The following SCYL1 variants were observed in gnomAD, a reference collection of about 807,000 sequenced individuals.
SCYL1 encodes N-terminal kinase-like protein.
In SCYL1, 85 loss-of-function variants were observed where a neutral mutation model predicts 94.8. The ratio of observed to expected loss-of-function variants is 0.90; its 90% CI spans 0.75 to 1.07. The LOEUF is 1.07. SCYL1 is among the 50% of genes least tolerant of loss of function. The pLI, the probability that SCYL1 is intolerant of heterozygous loss-of-function variation, is 0.00. For missense variants in SCYL1, 968 were observed against 1,083.3 expected, an observed-to-expected ratio of 0.89 and a Z score of 1.49; for synonymous variants, 459 against 435.5, an observed-to-expected ratio of 1.05 and a Z score of -0.67.
In SCYL1 at chr11:65,530,781, C is replaced by A; in HGVS notation, c.1002C>A (p.Leu334=). 2 of 1,611,072 alleles carry A rather than the reference C, an allele frequency of 1.2e-6. No individual in the cohort carries two copies. Among genetic ancestry groups the A allele is most frequent in the Non-Finnish European group, 1.7e-6 (2 of 1,178,748 alleles). The change falls in exon 7 of 18, where the codon CTC becomes CTA. Residue 334 remains leucine, a synonymous_variant. Transcript: ENST00000270176. ...CTGGGGCCGTTGTCCTCACGCCCCTCTTCAAGGTGAGTGGAACTGTGGGGT... is the reference window on the plus strand; with the variant it reads ...CTGGGGCCGTTGTCCTCACGCCCCTATTCAAGGTGAGTGGAACTGTGGGGT... ...GNAGAVVLTP[L]FKVGKFLSAE...
intron 7 of SCYL1, among the ~76,000 whole-genome samples, chr11:65,531,375 C>T (rs1370933677): frequency 1.3e-5 from 2 of 152,156 alleles, no homozygotes; most frequent in Non-Finnish European, 2.9e-5. Context: ...TCATCAGCCT[C>T]CTGAAAGAGG....
Position 65,535,299 on chromosome 11 carries a change from C to T in SCYL1, c.1303C>T (p.Leu435=). 6.2e-7 allele frequency: 1 copy of T among 1,614,252 alleles called. No homozygotes were observed. Among genetic ancestry groups the T allele is most frequent in the Non-Finnish European group, 8.5e-7 (1 of 1,180,040 alleles). Reference sequence around the variant, plus strand: ...GGAGCTGATGAAGCACTTTGCACGGCTACAGGCCAAGGATGAACAGGGCCC... The same window carrying T: ...GGAGCTGATGAAGCACTTTGCACGGTTACAGGCCAAGGATGAACAGGGCCC... ...NVELMKHFAR[L]QAKDEQGPIR... The change falls in exon 10 of 18, where the codon CTA becomes TTA. Residue 435 remains leucine (L), a synonymous_variant. Coordinates refer to ENST00000270176, the MANE Select transcript of SCYL1 (RefSeq NM_020680.4).
intron 9 of SCYL1, 96 bp downstream of exon 9, chr11:65,532,901 C>A: frequency 2.3e-6 from 2 of 883,744 alleles, no homozygotes; most frequent in Non-Finnish European, 3.7e-6. Context: ...GCCCATGGGT[C>A]CAAGCAGACA....
At position 65,538,441 on chromosome 11, in the gene SCYL1, G is replaced by T; in HGVS notation, c.2303-1G>T. ...ACCGGGGCTCCCCTTCCTGACGCCA[G>T]GACAGGTCAAGGCTGAGCTGGCCCG... is the stretch of plus-strand genomic sequence containing the variant. On this transcript the variant is annotated splice_acceptor_variant, in intron 17 of 17. Transcript: ENST00000270176. LOFTEE classifies it high-confidence loss of function. The T allele has an allele frequency of 6.4e-7, 1 of 1,556,106 alleles. No homozygotes were observed. Among genetic ancestry groups the T allele is most frequent in the South Asian group, 1.2e-5 (1 of 84,902 alleles).
At chr11:65,525,780 C>T in intron 2 of SCYL1, 66 bp downstream of exon 2, 2 of 1,596,316 alleles carry the variant, frequency 1.3e-6, no homozygotes, top group Non-Finnish European at 1.7e-6. Context: ...TCCTGTCTCC[C>T]CTCCTGCCCT....
intron 1 of SCYL1, 66 bp from the exon 2 acceptor site, chr11:65,525,508 C>T (rs1254941432): frequency 6.4e-6 from 10 of 1,561,986 alleles, no homozygotes; most frequent in Non-Finnish European, 8.7e-6. Context: ...GACCTGGCTG[C>T]GGGCCCTTGT....
At chr11:65,535,165 G>A (rs1855571248) in intron 9 of SCYL1, 62 bp from the exon 10 acceptor site, 4 of 1,590,422 alleles carry the variant, frequency 2.5e-6, no homozygotes, top group Non-Finnish European at 3.4e-6. Flanking sequence ...CCAGGAGGCT[G>A]TTCCTGCACA....
intron 14 of SCYL1, 109 bp downstream of exon 14, chr11:65,537,237 A>G: frequency 8.2e-7 from 1 of 1,220,978 alleles, no homozygotes; most frequent in Non-Finnish European, 1.2e-6. Context: ...CCTCATCAGC[A>G]CAGCATCCCT....
rs1481969607 is a variant in SCYL1 at position 65,532,691 on chromosome 11, G to A, written c.1117-1G>A. 5.0e-6 allele frequency: 8 copies of A among 1,612,968 alleles called. No individual in the cohort carries two copies. Among genetic ancestry groups the A allele is most frequent in the African/African-American group, 1.3e-5 (1 of 74,910 alleles). On this transcript the variant is annotated splice_acceptor_variant, in intron 8 of 17. Coordinates refer to ENST00000270176, the MANE Select transcript of SCYL1 (RefSeq NM_020680.4). LOFTEE classifies it high-confidence loss of function. Reference sequence around the variant, plus strand: ...TTGACGCATCCCAACCTGGGCCACAGATGGAGCAGTTCATCCAGTACCTTG... The same window carrying A: ...TTGACGCATCCCAACCTGGGCCACAAATGGAGCAGTTCATCCAGTACCTTG...
chr11:65,525,718 C>T lies in SCYL1; in HGVS notation c.252+4C>T, dbSNP rs1159314190. 8 of 1,612,414 alleles carry T rather than the reference C, an allele frequency of 5.0e-6. No homozygotes were observed. In the East Asian group the frequency reaches 1.3e-4, roughly 27 times the overall value. On this transcript the variant is annotated splice_donor_region_variant and intron_variant, in intron 2 of 17. Coordinates refer to ENST00000270176, the MANE Select transcript of SCYL1 (RefSeq NM_020680.4). ...GGCTTACATCGATGGACTGGAGGTA[C>T]CTGCTGCCTTGCCTGCCCGTCTCTG...
intron 10 of SCYL1, 29 bp downstream of exon 10, chr11:65,535,411 C>A: frequency 6.2e-7 from 1 of 1,606,936 alleles, no homozygotes. Context: ...TGCTGGAGCC[C>A]GGTCCCTGTC....
At position 65,535,225 on chromosome 11, in the gene SCYL1, A is replaced by T; in HGVS notation, c.1231-2A>T. The T allele has an allele frequency of 6.2e-7, 1 of 1,613,512 alleles. No homozygotes were observed. Among genetic ancestry groups the T allele is most frequent in the Non-Finnish European group, 8.5e-7 (1 of 1,179,444 alleles). ...CAGTTCCCACTCATTTCTGCCCCAC[A>T]GTCCATGCTGCTCCTGGCCCCAAAG... On this transcript the variant is annotated splice_acceptor_variant, in intron 9 of 17. Coordinates refer to ENST00000270176, the MANE Select transcript of SCYL1 (RefSeq NM_020680.4). LOFTEE classifies it high-confidence loss of function.
chr11:65,538,449 C>G lies in SCYL1; in HGVS notation c.2310C>G (p.Val770=). The G allele has an allele frequency of 6.4e-7, 1 of 1,560,030 alleles. No homozygotes were observed. The highest frequency in any genetic ancestry group is 8.7e-7 in the Non-Finnish European group (1 of 1,154,114). The change falls in exon 18 of 18, where the codon GTC becomes GTG. Residue 770 remains valine, a synonymous_variant. Transcript: ENST00000270176. The part of the protein sequence containing the change: ...WEGLETDSRQ[V]KAELARKKRE... The stretch of plus-strand genomic sequence containing the variant: ...TCCCCTTCCTGACGCCAGGACAGGT[C>G]AAGGCTGAGCTGGCCCGGAAGAAGC...
chr11:65,538,286 G>C lies in SCYL1; in HGVS notation c.2264G>C (p.Trp755Ser), dbSNP rs56077405. 59 of 1,553,010 alleles carry C rather than the reference G, an allele frequency of 3.8e-5. No homozygotes were observed. In the East Asian group the frequency reaches 1.4e-3, roughly 36 times the overall value. Residue 755 changes from tryptophan (W) to serine (S), a missense_variant, in exon 17 of 18, where the codon TGG (tryptophan) becomes TCG (serine). Around this residue, in one of 2 missense-constraint regions of SCYL1, gnomAD observed 474 missense variants for 463.6 expected, o/e 1.02. Transcript: ENST00000270176. The part of the protein sequence containing the change: ...RPSTQPRPDS[W>S]GEDNWEGLET... ...TCTTTACAGCCGAGGCCAGACTCTTGGGGTGAGGACAACTGGGAGGGCCTC... is the reference window on the plus strand; with the variant it reads ...TCTTTACAGCCGAGGCCAGACTCTTCGGGTGAGGACAACTGGGAGGGCCTC...
intron 9 of SCYL1, 118 bp from the exon 10 acceptor site, chr11:65,535,109 A>G: frequency 7.7e-7 from 1 of 1,297,616 alleles, no homozygotes; most frequent in Non-Finnish European, 1.1e-6. Flanking sequence ...CCAGGCTGGG[A>G]GGTGGCCTTG....
At chr11:65,535,534 A>G in intron 10 of SCYL1, 152 bp downstream of exon 10, 1 of 1,024,876 alleles carries the variant, frequency 9.8e-7, no homozygotes, top group East Asian at 2.6e-5. Context: ...CCAGAGGAGG[A>G]GTGAGTTGGC....
intron 6 of SCYL1, among the ~76,000 whole-genome samples, chr11:65,529,305 C>T (rs989918409): frequency 2.0e-5 from 3 of 152,188 alleles, no homozygotes; most frequent in Non-Finnish European, 4.4e-5. Context: ...AACTTTGTTA[C>T]GTGGAGTTCT....
chr11:65,527,912 C>T (rs766709336), intron 6 of SCYL1, among the ~76,000 whole-genome samples: 7 of 152,174 alleles, frequency 4.6e-5, no homozygotes, highest in Non-Finnish European at 7.3e-5. Flanking sequence ...GTATAGTGTT[C>T]TGTGCCCAGC....
rs540362534 is a variant in SCYL1 at position 65,538,642 on chromosome 11, G to A, written c.*76G>A. 1.6e-5 allele frequency: 24 copies of A among 1,497,716 alleles called. No homozygotes were observed. The African/African-American group carries it at 2.9e-4, about 18-fold the overall frequency. The allele number at this position is 1,497,716 out of a possible 1,614,324, so 92.8% of individuals were successfully genotyped here. A position where few individuals can be genotyped will look rare whatever the true frequency, so the allele number is the denominator to read the frequency against. ...TTTATTGTACAAACCATGTGAGCCC[G>A]GCCGGCCCAGCCAGGCCATCTCACG... On this transcript the variant is annotated 3_prime_UTR_variant, in exon 18 of 18. Transcript: ENST00000270176.
Sources: gnomAD v4.1 joint callset for allele counts (sites outside exome capture counted in the v4.1 genomes callset) on GRCh38, gnomAD v4.1.1 for gene constraint, gnomAD v4.1.1 regional missense constraint, MANE v1.5 for transcripts, NCBI Gene and HGNC (gene_info 2026-07-23, HGNC 2026-07-21) for gene names.